MRLN: variants seen among roughly 807,000 people sequenced by gnomAD.
MRLN encodes Linc-RNA activator of myogenesis.
chr10:59,752,192 T>G (rs1182857265), intron 1 of MRLN, among the ~76,000 whole-genome samples: 1 of 152,188 alleles, frequency 6.6e-6, no homozygotes, highest in Non-Finnish European at 1.5e-5. Flanking sequence ...TTACTAAAAG[T>G]AGTAGAAGTC....
chr10:59,750,059 TCTC>T (rs368551763), intron 1 of MRLN, among the ~76,000 whole-genome samples: 2 of 121,150 alleles, frequency 1.7e-5, no homozygotes, highest in Non-Finnish European at 1.7e-5. Context: ...TCTCTCTCTC[TCTC>T]TTTTTTTTTT....
chr10:59,744,126 C>G (rs1238582533), intron 1 of MRLN: 1 of 160,964 alleles, frequency 6.2e-6, no homozygotes, highest in Non-Finnish European at 1.3e-5. Flanking sequence ...GGCTGCCCAT[C>G]ATCTGGGATG....
At chr10:59,745,128 T>TA (rs1841030544) in intron 1 of MRLN, among the ~76,000 whole-genome samples, 2 of 139,360 alleles carry the variant, frequency 1.4e-5, no homozygotes, top group Admixed American at 6.8e-5. Flanking sequence ...AAAAATAAAA[T>TA]AAAATAAAAA....
chr10:59,746,788 A>G (rs562143928), intron 1 of MRLN, among the ~76,000 whole-genome samples: 2 of 152,338 alleles, frequency 1.3e-5, no homozygotes, highest in South Asian at 4.1e-4. Context: ...CTATTTAACA[A>G]CAAATTTAGC....
intron 2 of MRLN, among the ~76,000 whole-genome samples, chr10:59,737,712 C>G (rs920433418): frequency 6.0e-5 from 9 of 149,908 alleles, no homozygotes; most frequent in Non-Finnish European, 1.3e-4. Context: ...GTTTTGGTTA[C>G]TTACTAAGAC....
intron 1 of MRLN, chr10:59,744,955 A>C (rs952996784): frequency 5.5e-6 from 1 of 182,250 alleles, no homozygotes; most frequent in Non-Finnish European, 1.1e-5. Context: ...TCAAATACCC[A>C]GGGACACAAA....
intron 1 of MRLN, among the ~76,000 whole-genome samples, chr10:59,752,156 T>C (rs577695179): frequency 6.6e-6 from 1 of 152,220 alleles, no homozygotes; most frequent in Admixed American, 6.5e-5. Flanking sequence ...AGCATTTGCA[T>C]GGTTTACACT....
At chr10:59,745,480 T>G (rs981066173) in intron 1 of MRLN, among the ~76,000 whole-genome samples, 12 of 148,822 alleles carry the variant, frequency 8.1e-5, no homozygotes, top group Admixed American at 6.7e-4. Flanking sequence ...TGACGGCAAA[T>G]AATTCCCCCC....
intron 1 of MRLN, among the ~76,000 whole-genome samples, chr10:59,740,148 A>G (rs922585325): frequency 6.6e-6 from 1 of 151,852 alleles, no homozygotes; most frequent in African/African-American, 2.4e-5. Context: ...TAGTGAAGTC[A>G]TAGTTGTTAT....
At chr10:59,737,643 C>T (rs537741560) in intron 2 of MRLN, among the ~76,000 whole-genome samples, 18 of 125,528 alleles carry the variant, frequency 1.4e-4, no homozygotes, top group African/African-American at 5.6e-4. Context: ...AAGGCAGGTA[C>T]TGATCAAAAA....
rs189276013 is a variant in MRLN at position 59,741,231 on chromosome 10, C to A, written c.-124-2669G>T. On this transcript the variant is annotated intron_variant, in intron 1 of 2. Transcript: ENST00000414264. ...GGAATGTCCTAGGCCTTCAAATTCACTCACCATTCACTCAGTGACTCACCC... is the reference window on the plus strand; with the variant it reads ...GGAATGTCCTAGGCCTTCAAATTCAATCACCATTCACTCAGTGACTCACCC... Among the ~76,000 whole-genome samples the A allele has an allele frequency of 4.1e-3, 625 of 152,306 alleles. 6 individuals carry two copies. The highest frequency in any genetic ancestry group is 0.014 in the African/African-American group (570 of 41,580).
intron 1 of MRLN, among the ~76,000 whole-genome samples, chr10:59,742,407 T>A (rs1472114650): frequency 6.6e-6 from 1 of 151,668 alleles, no homozygotes; most frequent in Non-Finnish European, 1.5e-5. Context: ...AAAAATAGAG[T>A]TAAAGTGCAT....
At chr10:59,738,083 C>A (rs937204445) in intron 2 of MRLN, 1 of 152,128 alleles carries the variant, frequency 6.6e-6, no homozygotes, top group East Asian at 1.9e-4. Flanking sequence ...GAGTACTCTG[C>A]CAGTGTTGTC....
chr10:59,747,712 A>T lies in MRLN; in HGVS notation c.-125+5642T>A, dbSNP rs550065541. Among the ~76,000 whole-genome samples the T allele has an allele frequency of 3.9e-4, 60 of 152,344 alleles. 2 individuals are homozygous for T. Among genetic ancestry groups the T allele is most frequent in the South Asian group, 1.7e-3 (8 of 4,832 alleles). On this transcript the variant is annotated intron_variant, in intron 1 of 2. Coordinates refer to ENST00000414264, the MANE Select transcript of MRLN (RefSeq NM_001304731.2). ...ACCACACTGTATCATGGTTGTTTAC[A>T]TGCAATACGCTATAGTCAGTGATGC...
chr10:59,740,568 A>G (rs1170461052), intron 1 of MRLN, among the ~76,000 whole-genome samples: 3 of 152,096 alleles, frequency 2.0e-5, no homozygotes, highest in African/African-American at 7.3e-5. Flanking sequence ...TGTGTCTTAT[A>G]AGAAAAAAAA....
rs557464696 is a variant in MRLN at position 59,752,102 on chromosome 10, T to G, written c.-125+1252A>C. Among the ~76,000 whole-genome samples, 94 of 152,354 alleles carry G rather than the reference T, an allele frequency of 6.2e-4. 1 individual carries two copies. Among genetic ancestry groups the G allele is most frequent in the African/African-American group, 2.1e-3 (89 of 41,580 alleles). On this transcript the variant is annotated intron_variant, in intron 1 of 2. Transcript: ENST00000414264. ...GCTGATCTTAGCTGTAGACTTAATG[T>G]CTTGATTGCTAACAATATACCATCC...
chr10:59,743,643 T>C (rs1399205163), intron 1 of MRLN, among the ~76,000 whole-genome samples: 2 of 152,104 alleles, frequency 1.3e-5, no homozygotes, highest in East Asian at 1.9e-4. Context: ...TGGATTTACA[T>C]TGAAAATGAA....
chr10:59,747,143 C>T (rs1434475300), intron 1 of MRLN, among the ~76,000 whole-genome samples: 1 of 152,172 alleles, frequency 6.6e-6, no homozygotes, highest in Non-Finnish European at 1.5e-5. Flanking sequence ...CTTTTACTAC[C>T]TATTTTATTC....
chr10:59,745,876 C>T (rs1230895900), intron 1 of MRLN, among the ~76,000 whole-genome samples: 1 of 152,028 alleles, frequency 6.6e-6, no homozygotes, highest in East Asian at 1.9e-4. Flanking sequence ...AATGTATTTT[C>T]TAAATGGCTT....
Sources: gnomAD v4.1 joint callset for allele counts (sites outside exome capture counted in the v4.1 genomes callset) on GRCh38, gnomAD v4.1.1 for gene constraint, MANE v1.5 for transcripts, NCBI Gene and HGNC (gene_info 2026-07-23, HGNC 2026-07-21) for gene names.